THEMIS: variants seen among roughly 807,000 people sequenced by gnomAD.
THEMIS encodes protein THEMIS.
In THEMIS, 37 loss-of-function variants were observed where a neutral mutation model predicts 52.6. The observed-to-expected ratio is 0.70, with a 90% CI of 0.54 to 0.93. The LOEUF is 0.93. Among genes scored for constraint, THEMIS ranks in the 40% least tolerant of loss-of-function variants. The pLI is 0.00. For synonymous variants in THEMIS, 292 were observed against 272.7 expected (o/e 1.07, Z -0.70); for missense variants, 808 against 763.1 (o/e 1.06, Z -0.69).
At chr6:127,787,601 G>A (rs1039000432) in intron 4 of THEMIS, among the ~76,000 whole-genome samples, 4 of 151,920 alleles carry the variant, frequency 2.6e-5, no homozygotes, top group African/African-American at 7.3e-5. Context: ...ATTATTACTG[G>A]GATCTGTTTT....
At chr6:127,785,791 A>G (rs1776928651) in intron 4 of THEMIS, among the ~76,000 whole-genome samples, 1 of 152,036 alleles carries the variant, frequency 6.6e-6, no homozygotes, top group Admixed American at 6.5e-5. Flanking sequence ...ATTATCATAA[A>G]TAATATTAAT....
chr6:127,703,598 C>G (rs1302581504), downstream of THEMIS, among the ~76,000 whole-genome samples: 2 of 152,076 alleles, frequency 1.3e-5, no homozygotes, highest in African/African-American at 4.8e-5. Flanking sequence ...GGGACTAGGG[C>G]CCCATAGCTT....
At chr6:127,892,319 C>T (rs759658449) in intron 1 of THEMIS, among the ~76,000 whole-genome samples, 11 of 152,160 alleles carry the variant, frequency 7.2e-5, no homozygotes, top group Non-Finnish European at 1.5e-4. Flanking sequence ...CTTATTTCCT[C>T]AGTTTATTCA....
At chr6:127,703,162 C>T (rs991200551), downstream of THEMIS, among the ~76,000 whole-genome samples, 6 of 148,348 alleles carry the variant, frequency 4.0e-5, no homozygotes, top group African/African-American at 1.5e-4. Flanking sequence ...ATTCTCCTGC[C>T]TCAGCCTCTC....
chr6:127,787,876 TAGATATAGATAG>T lies in THEMIS; in HGVS notation c.1758+24995_1758+25006del, dbSNP rs1449648628. The stretch of plus-strand genomic sequence containing the variant: ...ATAGATAGATAGATAGATAGATAGA[TAGATATAGATAG>T]ATAGATAGATAGATAGATAGATAGA... On this transcript the variant is annotated intron_variant, in intron 4 of 5. Transcript: ENST00000368248. 8.8e-4 allele frequency among the ~76,000 whole-genome samples: 105 copies of T among 119,892 alleles called. 1 individual carries two copies. The South Asian group carries it at 0.012, about 13-fold the overall frequency. The allele number at this position is 119,892 out of a possible 152,430, so 78.7% of individuals were successfully genotyped here. A position where few individuals can be genotyped will look rare whatever the true frequency, so the allele number is the denominator to read the frequency against.
chr6:127,898,020 A>G (rs535303986), intron 1 of THEMIS, among the ~76,000 whole-genome samples: 1 of 151,830 alleles, frequency 6.6e-6, no homozygotes, highest in Admixed American at 6.6e-5. Flanking sequence ...ACCAACCAGA[A>G]AAGAATACAT....
At chr6:127,754,731 A>G (rs1449206885) in intron 4 of THEMIS, among the ~76,000 whole-genome samples, 1 of 152,200 alleles carries the variant, frequency 6.6e-6, no homozygotes, top group Non-Finnish European at 1.5e-5. Flanking sequence ...AGGAGTTAAT[A>G]TAAGGAAAAA....
chr6:127,884,922 G>C (rs983826569), intron 1 of THEMIS, among the ~76,000 whole-genome samples: 2 of 152,092 alleles, frequency 1.3e-5, no homozygotes, highest in African/African-American at 4.8e-5. Flanking sequence ...ACACGCATGT[G>C]TGCATGTTTA....
chr6:127,775,715 T>A (rs534504456), intron 4 of THEMIS, among the ~76,000 whole-genome samples: 15 of 152,280 alleles, frequency 9.9e-5, no homozygotes, highest in African/African-American at 3.6e-4. Flanking sequence ...TAATTTAATA[T>A]AAATGAAATG....
At chr6:127,869,093 T>A (rs1377165501) in intron 1 of THEMIS, among the ~76,000 whole-genome samples, 1 of 152,142 alleles carries the variant, frequency 6.6e-6, no homozygotes, top group East Asian at 1.9e-4. Flanking sequence ...AGCTTCTGGG[T>A]TCTGAAGTAT....
At chr6:127,821,023 A>G (rs1173459106) in intron 3 of THEMIS, among the ~76,000 whole-genome samples, 1 of 152,000 alleles carries the variant, frequency 6.6e-6, no homozygotes, top group East Asian at 1.9e-4. Context: ...TTCTTATAAA[A>G]CAAAAAGTTG....
chr6:127,825,989 T>A (rs1348705469), intron 3 of THEMIS, among the ~76,000 whole-genome samples: 2 of 152,196 alleles, frequency 1.3e-5, no homozygotes, highest in Non-Finnish European at 2.9e-5. Context: ...AAAATATTAA[T>A]GCTTAGCCAT....
intron 1 of THEMIS, among the ~76,000 whole-genome samples, chr6:127,869,566 G>T (rs1780092236): frequency 1.3e-5 from 2 of 152,194 alleles, no homozygotes; most frequent in African/African-American, 4.8e-5. Context: ...GTCTGTATTT[G>T]CGGAGTTCCA....
chr6:127,899,444 G>C (rs1781068060), intron 1 of THEMIS, among the ~76,000 whole-genome samples: 1 of 151,750 alleles, frequency 6.6e-6, no homozygotes. Context: ...TTTAGAGACA[G>C]ACTGATACAG....
intron 4 of THEMIS, among the ~76,000 whole-genome samples, chr6:127,806,111 T>C (rs1180395070): frequency 2.6e-5 from 4 of 152,174 alleles, no homozygotes; most frequent in African/African-American, 9.6e-5. Flanking sequence ...TCTCACTTAA[T>C]ACATACTGTG....
the THEMIS span, among the ~76,000 whole-genome samples, chr6:127,700,476 T>A: frequency 6.6e-6 from 1 of 151,994 alleles, no homozygotes; most frequent in Admixed American, 6.6e-5. Context: ...AAAGTTCAGA[T>A]TTTACTTTGA....
chr6:127,885,559 A>T (rs1780619202), intron 1 of THEMIS, among the ~76,000 whole-genome samples: 1 of 122,112 alleles, frequency 8.2e-6, no homozygotes, highest in Non-Finnish European at 1.6e-5. Context: ...AAGAAACTAA[A>T]GAAGGAAAGA....
chr6:127,886,011 C>T (rs933727949), intron 1 of THEMIS, among the ~76,000 whole-genome samples: 1 of 152,116 alleles, frequency 6.6e-6, no homozygotes, highest in Non-Finnish European at 1.5e-5. Flanking sequence ...TGTGGTTCTC[C>T]ACCATTTTGT....
chr6:127,855,074 C>T lies in THEMIS; in HGVS notation c.206G>A (p.Gly69Asp). The T allele has an allele frequency of 6.2e-7, 1 of 1,611,176 alleles. No individual in the cohort carries two copies. Among genetic ancestry groups the T allele is most frequent in the Non-Finnish European group, 8.5e-7 (1 of 1,178,468 alleles). The change falls in exon 2 of 6, where the codon GGT becomes GAT. Residue 69 changes from glycine (G) to aspartate (D), a missense_variant. Coordinates refer to ENST00000368248, the MANE Select transcript of THEMIS (RefSeq NM_001010923.3). ...IIAEICEQIE[G>D]CESLQPFELP... ...TTCAAATGGCTGTAGAGACTCACAACCTTCAATCTGCTCACAAATTTCAGC... is the reference window on the plus strand; with the variant it reads ...TTCAAATGGCTGTAGAGACTCACAATCTTCAATCTGCTCACAAATTTCAGC...
Sources: allele counts gnomAD v4.1 joint callset (sites outside exome capture counted in the v4.1 genomes callset), GRCh38; gene constraint gnomAD v4.1.1; transcripts MANE v1.5; gene names NCBI Gene and HGNC (gene_info 2026-07-23, HGNC 2026-07-21).